Variants in LRP5 observed in about 807,000 individuals in gnomAD.
LRP5 encodes LDL receptor related protein 5, also known as low-density lipoprotein receptor-related protein 5.
LRP5 carries 62 observed loss-of-function variants against 154.1 expected under a neutral mutation model. That is an observed-to-expected ratio of 0.40 (90% CI 0.33 to 0.50). The LOEUF is 0.50. Among genes scored for constraint, LRP5 ranks in the 20% least tolerant of loss-of-function variants. The pLI is 0.55. For missense variants in LRP5, 1,915 were observed against 2,336.7 expected (o/e 0.82, Z 3.72); for synonymous variants, 966 against 1,011.5 (o/e 0.96, Z 0.85).
intron 1 of LRP5, among the ~76,000 whole-genome samples, chr11:68,316,317 G>A (rs1446013243): frequency 6.6e-6 from 1 of 152,136 alleles, no homozygotes; most frequent in Non-Finnish European, 1.5e-5. Flanking sequence ...TGTTGCCCAG[G>A]TTGGAGTGCG....
intron 6 of LRP5, among the ~76,000 whole-genome samples, chr11:68,389,449 T>TATCTACTGACACTGGC (rs1383474702): frequency 2.0e-4 from 29 of 144,550 alleles, no homozygotes; most frequent in Non-Finnish European, 3.2e-4. Context: ...CTGACACTGA[T>TATCTACTGACACTGGC]ATCTACTGAC....
intron 5 of LRP5, among the ~76,000 whole-genome samples, chr11:68,370,360 A>AG (rs949285161): frequency 2.7e-5 from 4 of 150,902 alleles, no homozygotes; most frequent in Non-Finnish European, 5.9e-5. Flanking sequence ...AGCGGGGGAG[A>AG]GGGGGGGACA....
At chr11:68,408,571 A>T (rs1025658484) in intron 9 of LRP5, among the ~76,000 whole-genome samples, 4 of 152,112 alleles carry the variant, frequency 2.6e-5, no homozygotes, top group African/African-American at 9.7e-5. Context: ...TTTCTCTAAG[A>T]TAGCATTTCT....
chr11:68,412,617 C>T (rs1281450797), intron 11 of LRP5, among the ~76,000 whole-genome samples: 1 of 151,386 alleles, frequency 6.6e-6, no homozygotes, highest in African/African-American at 2.4e-5. Flanking sequence ...TGCACTCCAG[C>T]CTGGGCAATA....
chr11:68,394,548 C>G (rs555878922), intron 7 of LRP5, among the ~76,000 whole-genome samples: 1 of 152,116 alleles, frequency 6.6e-6, no homozygotes, highest in East Asian at 1.9e-4. Flanking sequence ...TCACTGCAAG[C>G]TCTGCCTCCC....
chr11:68,396,048 C>G (rs1008363009), intron 7 of LRP5, among the ~76,000 whole-genome samples: 1 of 152,004 alleles, frequency 6.6e-6, no homozygotes, highest in Admixed American at 6.5e-5. Context: ...GCTGAGTACG[C>G]AGTGTGTGCC....
upstream of LRP5, among the ~76,000 whole-genome samples, chr11:68,308,995 G>A (rs7927715): frequency 7.1e-5 from 10 of 140,424 alleles, no homozygotes; most frequent in Admixed American, 1.6e-4. Context: ...GTGCAGTGGC[G>A]CAATCTCGGC....
the LRP5 span, among the ~76,000 whole-genome samples, chr11:68,306,865 G>A: frequency 6.6e-6 from 1 of 152,226 alleles, no homozygotes; most frequent in Admixed American, 6.5e-5. Context: ...ACGGATGGAC[G>A]ATGACTGTCA....
the LRP5 span, among the ~76,000 whole-genome samples, chr11:68,306,238 C>A: frequency 6.6e-6 from 1 of 152,128 alleles, no homozygotes; most frequent in Non-Finnish European, 1.5e-5. Flanking sequence ...CAGGTGCAAG[C>A]CATTCTCCTG....
At chr11:68,376,748 G>C (rs2098637569) in intron 5 of LRP5, among the ~76,000 whole-genome samples, 1 of 152,254 alleles carries the variant, frequency 6.6e-6, no homozygotes, top group African/African-American at 2.4e-5. Context: ...GTGTGCCTGG[G>C]TTCAGAAAGG....
At chr11:68,439,391 T>G (rs2153181729) in intron 20 of LRP5, among the ~76,000 whole-genome samples, 2 of 152,254 alleles carry the variant, frequency 1.3e-5, no homozygotes, top group East Asian at 3.9e-4. Flanking sequence ...CCTGATTCTC[T>G]CTGGGGAGCG....
At chr11:68,312,898 CGGAA>C in intron 1 of LRP5, 93 bp downstream of exon 1, 1 of 691,404 alleles carries the variant, frequency 1.4e-6, no homozygotes, top group Non-Finnish European at 1.8e-6. Context: ...GCCGCCGTCT[CGGAA>C]GCGACTTGGC....
chr11:68,368,064 C>CAAAAAAAAAAAAAAAAAAAAAAAAA (rs35969123), intron 5 of LRP5, among the ~76,000 whole-genome samples: 1 of 94,620 alleles, frequency 1.1e-5, no homozygotes, highest in Non-Finnish European at 2.1e-5. Context: ...GACCCTGTCT[C>CAAAAAAAAAAAAAAAAAAAAAAAAA]AAAAAAAAAA....
chr11:68,415,034 C>T lies in LRP5; in HGVS notation c.2827+1022C>T, dbSNP rs371527219. 8.9e-4 allele frequency among the ~76,000 whole-genome samples: 135 copies of T among 152,328 alleles called. 2 individuals are homozygous for T. The South Asian group carries it at 0.018, about 20-fold the overall frequency. On this transcript the variant is annotated intron_variant, in intron 12 of 22. Coordinates refer to ENST00000294304, the MANE Select transcript of LRP5 (RefSeq NM_002335.4). The stretch of plus-strand genomic sequence containing the variant: ...CTGTGGCCGGCAGTACCTGGTGCAA[C>T]GACTTGGATTTCAGACCAGCCACTG...
chr11:68,427,603 C>T (rs887355693), intron 16 of LRP5, among the ~76,000 whole-genome samples: 1 of 151,750 alleles, frequency 6.6e-6, no homozygotes, highest in Non-Finnish European at 1.5e-5. Flanking sequence ...TTACTTGAAC[C>T]TGGGAGGCGG....
rs191964983 is a variant in LRP5, at chr11:68,353,124, T to A, written c.489-4526T>A. On this transcript the variant is annotated intron_variant, in intron 2 of 22. Transcript: ENST00000294304. This position sits in a 1 kb window ranked among gnomAD's most constrained non-coding sequence, Gnocchi z 4.5. ...ATCATCTCTGCGAGCCAACTGTCCCTGTTTGGCTCTGGCTTTTCTTAACTA... is the reference window on the plus strand; with the variant it reads ...ATCATCTCTGCGAGCCAACTGTCCCAGTTTGGCTCTGGCTTTTCTTAACTA... 6.6e-6 allele frequency among the ~76,000 whole-genome samples: 1 copy of A among 152,174 alleles called. No individual in the cohort carries two copies. The highest frequency in any genetic ancestry group is 6.5e-5 in the Admixed American group (1 of 15,268).
chr11:68,381,943 C>A lies in LRP5; in HGVS notation c.1016-4373C>A, dbSNP rs192800104. Among the ~76,000 whole-genome samples the A allele has an allele frequency of 2.0e-4, 30 of 152,350 alleles. 2 individuals carry two copies. In the East Asian group the frequency reaches 5.8e-3, roughly 30 times the overall value. ...TGTGGCGGAGCCCAGGCTGCTGGTA[C>A]TCTCTCTGCAGCTGCTCCCTGCTGG... is the stretch of plus-strand genomic sequence containing the variant. On this transcript the variant is annotated intron_variant, in intron 5 of 22. Coordinates refer to ENST00000294304, the MANE Select transcript of LRP5 (RefSeq NM_002335.4).
chr11:68,301,102 T>C, the LRP5 span, among the ~76,000 whole-genome samples: 5 of 147,796 alleles, frequency 3.4e-5, 1 homozygote, highest in Non-Finnish European at 7.6e-5. Context: ...GCTAATTTTT[T>C]TGTATTTTTG....
At chr11:68,315,687 C>G (rs749722237) in intron 1 of LRP5, among the ~76,000 whole-genome samples, 19 of 152,250 alleles carry the variant, frequency 1.2e-4, no homozygotes, top group Non-Finnish European at 2.6e-4. Context: ...AGGCCCCGCC[C>G]CTGCGGGCAG....
Sources: gnomAD v4.1 joint callset for allele counts (sites outside exome capture counted in the v4.1 genomes callset) on GRCh38, gnomAD v4.1.1 for gene constraint, Gnocchi (gnomAD v3.1) non-coding constraint, MANE v1.5 for transcripts, NCBI Gene and HGNC (gene_info 2026-07-23, HGNC 2026-07-21) for gene names.